AGL: variants seen among roughly 807,000 people sequenced by gnomAD.
The protein encoded by AGL is glycogen debranching enzyme.
In AGL, 128 loss-of-function variants were observed where a neutral mutation model predicts 199.3. That is an observed-to-expected ratio of 0.64 (90% confidence interval 0.56 to 0.74). The LOEUF is 0.74. Ranked by LOEUF, AGL falls within the 30% of genes least tolerant of loss-of-function variation. The pLI, the probability that AGL is intolerant of heterozygous loss-of-function variation, is 0.00. For synonymous variants in AGL, 584 were observed against 594.7 expected (o/e 0.98, Z 0.26); for missense variants, 1,809 against 1,820.8 (o/e 0.99, Z 0.12).
rs2100759717 is a variant in AGL, at chr1:99,881,396, G to A, written c.2106G>A (p.Arg702=). 2 of 1,614,144 alleles carry A rather than the reference G, an allele frequency of 1.2e-6. No individual in the cohort carries two copies. Among genetic ancestry groups the A allele is most frequent in the Non-Finnish European group, 1.7e-6 (2 of 1,180,012 alleles). ...TCCAAAGCGGCATTATTGCAGCCAG[G>A]TGTGCTATCAGTAAACTTCATCAGG... ...VNFQSGIIAA[R]CAISKLHQEL... is the part of the protein sequence containing the mutation. The change falls in exon 16 of 34, where the codon AGG becomes AGA. Residue 702 remains arginine, a synonymous_variant. Transcript: ENST00000361915.
rs560871502 is a variant in AGL, at chr1:99,875,793, T to G, written c.1283+338T>G. On this transcript the variant is annotated intron_variant, in intron 10 of 33. Coordinates refer to ENST00000361915, the MANE Select transcript of AGL (RefSeq NM_000642.3). ...TAAAGCATAGGTTGGGCAACTAGAG[T>G]GCAGTAAAAGCCTTTGCATATCTTT... Among the ~76,000 whole-genome samples the G allele has an allele frequency of 6.6e-5, 10 of 152,194 alleles. No homozygotes were observed. In the East Asian group the frequency reaches 7.7e-4, roughly 12 times the overall value.
intron 29 of AGL, among the ~76,000 whole-genome samples, chr1:99,913,231 A>T (rs545536427): frequency 6.6e-6 from 1 of 152,274 alleles, no homozygotes; most frequent in Non-Finnish European, 1.5e-5. Context: ...AAAAAAAAAA[A>T]AAGACATTTT....
chr1:99,887,912 T>A, intron 20 of AGL, 66 bp from the exon 21 acceptor site: 1 of 1,569,782 alleles, frequency 6.4e-7, no homozygotes, highest in Non-Finnish European at 8.7e-7. Flanking sequence ...CAGATTTTCT[T>A]CTTTTGTTTC....
intron 15 of AGL, 22 bp downstream of exon 15, chr1:99,881,199 T>G (rs767088332): frequency 2.5e-6 from 4 of 1,612,834 alleles, no homozygotes; most frequent in Non-Finnish European, 1.7e-6. Flanking sequence ...TGTTGTTTCT[T>G]AAAACCTACA....
At chr1:99,860,880 C>G (rs1422766350) in intron 2 of AGL, among the ~76,000 whole-genome samples, 2 of 152,196 alleles carry the variant, frequency 1.3e-5, no homozygotes, top group East Asian at 3.8e-4. Flanking sequence ...TCCCACCACC[C>G]TAGTCAGTTG....
In AGL at chr1:99,864,580, A is replaced by G. The variant is rs1332399736; in HGVS notation, c.655A>G (p.Asn219Asp). Residue 219 changes from asparagine to aspartate, a missense_variant, in exon 5 of 34, where the codon AAT becomes GAT. Physicochemically the swap from Asn to Asp is conservative, Grantham distance 23. Coordinates refer to ENST00000361915, the MANE Select transcript of AGL (RefSeq NM_000642.3). The part of the protein sequence containing the change: ...NVICITDVVY[N>D]HTAANSKWIQ... ...TATTTGTATTACTGATGTTGTCTACAATCATACTGGTATGAGCTTCATTGA... is the reference window on the plus strand; with the variant it reads ...TATTTGTATTACTGATGTTGTCTACGATCATACTGGTATGAGCTTCATTGA... The G allele has an allele frequency of 6.2e-7, 1 of 1,613,484 alleles. No individual in the cohort carries two copies. Among genetic ancestry groups the G allele is most frequent in the Non-Finnish European group, 8.5e-7 (1 of 1,179,580 alleles).
intron 20 of AGL, among the ~76,000 whole-genome samples, chr1:99,886,569 T>C (rs1652471363): frequency 6.6e-6 from 1 of 152,108 alleles, no homozygotes; most frequent in South Asian, 2.1e-4. Context: ...TAAAACACAA[T>C]AGTTTTTGAC....
chr1:99,912,317 G>T, intron 28 of AGL, 88 bp from the exon 29 acceptor site: 2 of 922,934 alleles, frequency 2.2e-6, no homozygotes, highest in South Asian at 1.4e-5. Flanking sequence ...TATGTTATAT[G>T]ATTCATTACA....
At position 99,864,655 on chromosome 1, in the gene AGL, C is replaced by T. The variant is rs1475978448; in HGVS notation, c.664+66C>T. On this transcript the variant is annotated intron_variant, in intron 5 of 33. Transcript: ENST00000361915. The stretch of plus-strand genomic sequence containing the variant: ...ATTTATGCACACACACATATACACA[C>T]AAATAAGAGAAAGGAAGAAAGAAAG... The T allele has an allele frequency of 2.9e-6, 4 of 1,359,576 alleles. No homozygotes were observed. In the African/African-American group the frequency reaches 5.8e-5, roughly 20 times the overall value. The allele number at this position is 1,359,576 out of a possible 1,614,324, so 84.2% of individuals were successfully genotyped here.
Position 99,881,702 on chromosome 1 carries a change from C to A in AGL, c.2308+11C>A, listed in dbSNP as rs887815190. On this transcript the variant is annotated intron_variant, in intron 17 of 33. Transcript: ENST00000361915. Reference sequence around the variant, plus strand: ...AAATGTGCATCCCTGGTAATGCAATCTAAAAATTGTTACTGTATTTGTATT... The same window carrying A: ...AAATGTGCATCCCTGGTAATGCAATATAAAAATTGTTACTGTATTTGTATT... The A allele has an allele frequency of 1.2e-6, 2 of 1,610,688 alleles. No individual in the cohort carries two copies. The highest frequency in any genetic ancestry group is 2.7e-5 in the African/African-American group (2 of 74,704).
rs537319413 is a variant in AGL at position 99,922,349 on chromosome 1, A to G, written c.*698A>G. On this transcript the variant is annotated 3_prime_UTR_variant, in exon 34 of 34. Transcript: ENST00000361915. ...TTAGTATTGAGTTCTATTGAGTATTATAAGATAGCTTACATTTTCAAAATG... is the reference window on the plus strand; with the variant it reads ...TTAGTATTGAGTTCTATTGAGTATTGTAAGATAGCTTACATTTTCAAAATG... The G allele has an allele frequency of 5.1e-4, 78 of 151,972 alleles. No homozygotes were observed. Among genetic ancestry groups the G allele is most frequent in the Non-Finnish European group, 9.3e-4 (63 of 67,814 alleles). The allele number at this position is 151,972 out of a possible 1,614,324, so 9.4% of individuals were successfully genotyped here. A position where few individuals can be genotyped will look rare whatever the true frequency, so the allele number is the denominator to read the frequency against.
intron 2 of AGL, among the ~76,000 whole-genome samples, chr1:99,857,847 A>AGAGGGAGACGGTGGGGGGGGGGGGGGGGG (rs1557743553): frequency 1.2e-4 from 1 of 8,226 alleles, no homozygotes. Flanking sequence ...GGGGAGGGGG[A>AGAGGGAGACGGTGGGGGGGGGGGGGGGGG]GGGGGGAAGA....
chr1:99,897,178 A>G (rs1350911543), intron 25 of AGL, among the ~76,000 whole-genome samples: 1 of 152,324 alleles, frequency 6.6e-6, no homozygotes, highest in African/African-American at 2.4e-5. Context: ...TCGAAAGGAA[A>G]GCACTACAGC....
At chr1:99,874,927 A>G in intron 8 of AGL, 117 bp downstream of exon 8, 1 of 1,296,996 alleles carries the variant, frequency 7.7e-7, no homozygotes, top group Non-Finnish European at 1.1e-6. Flanking sequence ...AAAGTAATTC[A>G]CTGTAATTCT....
intron 11 of AGL, among the ~76,000 whole-genome samples, chr1:99,877,289 G>A (rs3820155): frequency 0.4 from 60,759 of 151,718 alleles, 12,636 homozygotes; most frequent in South Asian, 0.48. Flanking sequence ...ACCTGTTGCC[G>A]AAAATAAGTA....
chr1:99,890,373 C>G (rs1262121981), intron 21 of AGL, among the ~76,000 whole-genome samples: 3 of 144,164 alleles, frequency 2.1e-5, no homozygotes, highest in Non-Finnish European at 4.8e-5. Context: ...ATTTTATAGT[C>G]TTGTTTCCCA....
At position 99,877,841 on chromosome 1, in the gene AGL, A is replaced by G. The variant is rs1243002855; in HGVS notation, c.1611+13A>G. The G allele has an allele frequency of 6.2e-7, 1 of 1,612,698 alleles. No homozygotes were observed. Among genetic ancestry groups the G allele is most frequent in the Admixed American group, 1.7e-5 (1 of 60,010 alleles). On this transcript the variant is annotated intron_variant, in intron 12 of 33. Transcript: ENST00000361915. ...TCACGTAGCTGAGGTACAGAAAAAC[A>G]ATTTATCTACATTAAGAAAAGAAAT...
intron 2 of AGL, among the ~76,000 whole-genome samples, chr1:99,852,374 C>CTTTTTTTTTTTTTTTTTTTTTT (rs1406544215): frequency 1.5e-5 from 1 of 65,872 alleles, no homozygotes; most frequent in Non-Finnish European, 3.0e-5. Flanking sequence ...TTTTTTTTTC[C>CTTTTTTTTTTTTTTTTTTTTTT]TTTTCTCTTT....
At chr1:99,862,757 T>A (rs567447398) in intron 4 of AGL, among the ~76,000 whole-genome samples, 2 of 152,102 alleles carry the variant, frequency 1.3e-5, no homozygotes, top group African/African-American at 4.8e-5. Flanking sequence ...TCACTCACTA[T>A]CATGAGAACA....
Sources: allele counts gnomAD v4.1 joint callset (sites outside exome capture counted in the v4.1 genomes callset), GRCh38; gene constraint gnomAD v4.1.1; transcripts MANE v1.5; gene names NCBI Gene and HGNC (gene_info 2026-07-23, HGNC 2026-07-21).